The following RNLS variants were observed in gnomAD, a reference collection of about 807,000 sequenced individuals.
The protein encoded by RNLS is renalase, FAD dependent amine oxidase.
RNLS carries 39 observed loss-of-function variants against 39.8 expected under a neutral mutation model. The ratio of observed to expected loss-of-function variants is 0.98; its 90% CI spans 0.76 to 1.28. The LOEUF is 1.28. RNLS is among the 50% of genes most tolerant of loss of function. The probability of loss-of-function intolerance (pLI) is 0.00; values close to 1 mark genes in which losing one functional copy is unlikely to be tolerated. For missense variants in RNLS, 410 were observed against 413.3 expected, an observed-to-expected ratio of 0.99 and a Z score of 0.07; for synonymous variants, 147 against 150.7, an observed-to-expected ratio of 0.98 and a Z score of 0.18.
chr10:88,291,151 T>C (rs1197981317), intron 6 of RNLS, among the ~76,000 whole-genome samples: 1 of 152,182 alleles, frequency 6.6e-6, no homozygotes, highest in African/African-American at 2.4e-5. Flanking sequence ...AGAGGGACAG[T>C]AAATACTCTA....
chr10:88,229,643 C>G, the RNLS span, among the ~76,000 whole-genome samples: 2 of 126,550 alleles, frequency 1.6e-5, no homozygotes, highest in Admixed American at 8.1e-5. Flanking sequence ...CAAAAGAAAC[C>G]CTTTGTCCAT....
At chr10:88,565,703 T>G (rs557227581) in intron 4 of RNLS, among the ~76,000 whole-genome samples, 3 of 152,082 alleles carry the variant, frequency 2.0e-5, no homozygotes, top group Admixed American at 2.0e-4. Flanking sequence ...TCTATTTCTT[T>G]TCAGCATGAT....
chr10:88,542,715 G>A (rs867247268), intron 4 of RNLS, among the ~76,000 whole-genome samples: 1 of 152,142 alleles, frequency 6.6e-6, no homozygotes, highest in South Asian at 2.1e-4. Flanking sequence ...CGAACTGCCA[G>A]GGCTGAAGCA....
intron 4 of RNLS, chr10:88,545,495 T>C (rs1385277608): frequency 4.4e-6 from 2 of 455,306 alleles, no homozygotes; most frequent in South Asian, 3.1e-5. Context: ...AACTGCCCTT[T>C]ACAAAACCAT....
chr10:88,485,608 A>C (rs565586855), intron 4 of RNLS, among the ~76,000 whole-genome samples: 1 of 150,198 alleles, frequency 6.7e-6, no homozygotes, highest in African/African-American at 2.4e-5. Context: ...TGTGACAGGC[A>C]TATTAGGCCT....
the RNLS span, among the ~76,000 whole-genome samples, chr10:88,219,736 T>C: frequency 6.6e-6 from 1 of 152,200 alleles, no homozygotes; most frequent in Non-Finnish European, 1.5e-5. Context: ...TAATTTACCA[T>C]TCAGTGTCTG....
intron 6 of RNLS, among the ~76,000 whole-genome samples, chr10:88,301,691 G>A (rs1844533202): frequency 1.3e-5 from 2 of 152,144 alleles, no homozygotes; most frequent in Non-Finnish European, 2.9e-5. Context: ...GTGTCCACAG[G>A]GATCTATCAC....
chr10:88,253,872 G>A, the RNLS span, among the ~76,000 whole-genome samples: 1 of 152,148 alleles, frequency 6.6e-6, no homozygotes. Flanking sequence ...TCCTTGCTAA[G>A]GTGTTAGGTG....
intron 4 of RNLS, among the ~76,000 whole-genome samples, chr10:88,377,973 AT>A (rs1016285140): frequency 8.0e-5 from 12 of 150,204 alleles, no homozygotes; most frequent in South Asian, 2.1e-4. Context: ...TGTATTTTTA[AT>A]TTTTTTTTTA....
At position 88,285,226 on chromosome 10, in the gene RNLS, A is replaced by C; in HGVS notation, c.*128T>G. ...AAAATTGATTTTATACTCCACATGA[A>C]AAATGATAATAAGTGAAGAACAATT... is the stretch of plus-strand genomic sequence containing the variant. On this transcript the variant is annotated 3_prime_UTR_variant, in exon 7 of 7. Coordinates refer to ENST00000331772, the MANE Select transcript of RNLS (RefSeq NM_001031709.3). 7.2e-7 allele frequency: 1 copy of C among 1,386,746 alleles called. No individual in the cohort carries two copies. The highest frequency in any genetic ancestry group is 9.4e-7 in the Non-Finnish European group (1 of 1,069,102). 85.9% of individuals were successfully genotyped at this position (1,386,746 alleles called of 1,614,324 possible). A position where few individuals can be genotyped will look rare whatever the true frequency, so the allele number is the denominator to read the frequency against.
chr10:88,441,405 T>C (rs1016870232), intron 4 of RNLS, among the ~76,000 whole-genome samples: 1 of 152,230 alleles, frequency 6.6e-6, no homozygotes, highest in Non-Finnish European at 1.5e-5. Context: ...AACACATTAT[T>C]GTGCTGGGAA....
In RNLS at chr10:88,285,525, G is replaced by T. The variant is rs1167661693; in HGVS notation, c.877-19C>A. On this transcript the variant is annotated intron_variant, in intron 6 of 6. Coordinates refer to ENST00000331772, the MANE Select transcript of RNLS (RefSeq NM_001031709.3). ...TTGTAACCTGAAAAAGTAAAAAGAG[G>T]ATTGCAATTGACATTCTGTGCTCTA... is the stretch of plus-strand genomic sequence containing the variant. 1.2e-6 allele frequency: 2 copies of T among 1,606,212 alleles called. No individual in the cohort carries two copies. Among genetic ancestry groups the T allele is most frequent in the South Asian group, 2.2e-5 (2 of 90,844 alleles).
chr10:88,282,485 ACACACACACAC>A (rs1843053295), downstream of RNLS, among the ~76,000 whole-genome samples: 3 of 11,978 alleles, frequency 2.5e-4, no homozygotes, highest in Admixed American at 2.0e-3. Flanking sequence ...AAATACACAC[ACACACACACAC>A]ACACACACAC....
chr10:88,218,128 G>A, the RNLS span, among the ~76,000 whole-genome samples: 1 of 152,198 alleles, frequency 6.6e-6, no homozygotes, highest in African/African-American at 2.4e-5. Flanking sequence ...CTGGGCTCCT[G>A]GGGCTAACTG....
At chr10:88,185,795 A>G in the RNLS span, among the ~76,000 whole-genome samples, 1 of 152,190 alleles carries the variant, frequency 6.6e-6, no homozygotes, top group East Asian at 1.9e-4. Flanking sequence ...TATTAAATCT[A>G]CTTCAATGGG....
At chr10:88,394,590 T>C (rs1589720458) in intron 4 of RNLS, among the ~76,000 whole-genome samples, 1 of 152,288 alleles carries the variant, frequency 6.6e-6, no homozygotes, top group Non-Finnish European at 1.5e-5. Context: ...TTTTACACTG[T>C]TGGTGGGACT....
At chr10:88,272,948 C>A (rs1842688892), downstream of RNLS, among the ~76,000 whole-genome samples, 1 of 152,084 alleles carries the variant, frequency 6.6e-6, no homozygotes, top group Admixed American at 6.6e-5. Flanking sequence ...GAGTTTCAAT[C>A]CAGGTAGATA....
intron 4 of RNLS, among the ~76,000 whole-genome samples, chr10:88,410,115 G>C (rs1025924080): frequency 1.3e-5 from 2 of 152,198 alleles, no homozygotes; most frequent in African/African-American, 4.8e-5. Context: ...GACAACTTTT[G>C]ATCTATATTA....
the RNLS span, among the ~76,000 whole-genome samples, chr10:88,248,416 C>A: frequency 1.3e-5 from 2 of 152,162 alleles, no homozygotes; most frequent in African/African-American, 4.8e-5. Flanking sequence ...ACAGAATTAA[C>A]TGGAAGCCTG....
Sources: gnomAD v4.1 joint callset for allele counts (sites outside exome capture counted in the v4.1 genomes callset) on GRCh38, gnomAD v4.1.1 for gene constraint, MANE v1.5 for transcripts, NCBI Gene and HGNC (gene_info 2026-07-23, HGNC 2026-07-21) for gene names.